Variants in GULP1 observed in about 807,000 individuals in gnomAD.
GULP1 encodes the protein PTB domain-containing engulfment adapter protein 1.
Under a neutral mutation model 40.9 loss-of-function variants are expected in GULP1, and 19 were observed. The observed-to-expected ratio is 0.46, with a 90% confidence interval of 0.32 to 0.68. The LOEUF is 0.68. Among genes scored for constraint, GULP1 ranks in the 30% least tolerant of loss-of-function variants. The pLI, the probability that GULP1 is intolerant of heterozygous loss-of-function variation, is 0.03. For synonymous variants in GULP1, 119 were observed against 117.6 expected, an observed-to-expected ratio of 1.01 and a Z score of -0.08; for missense variants, 312 against 362.2, an observed-to-expected ratio of 0.86 and a Z score of 1.12.
chr2:188,561,585 G>A (rs1005226548), intron 7 of GULP1, among the ~76,000 whole-genome samples: 1 of 152,162 alleles, frequency 6.6e-6, no homozygotes, highest in Non-Finnish European at 1.5e-5. Flanking sequence ...AAGTCCTGGG[G>A]TCTGTGCTGG....
intron 2 of GULP1, among the ~76,000 whole-genome samples, chr2:188,401,843 T>C (rs2052341703): frequency 6.6e-6 from 1 of 152,162 alleles, no homozygotes; most frequent in East Asian, 1.9e-4. Flanking sequence ...TTTATGTAAG[T>C]TGTCATTAGT....
rs1449813338 is a variant in GULP1 at position 188,595,891 on chromosome 2, G to A, written c.*1880G>A. On this transcript the variant is annotated 3_prime_UTR_variant, in exon 12 of 12. Coordinates refer to ENST00000409830, the MANE Select transcript of GULP1 (RefSeq NM_016315.4). ...TATTTCTATGTAAACTCAACGATAT[G>A]TTTGGTTTTCCTGAAAATAAATGAT... The A allele has an allele frequency of 6.6e-6, 1 of 152,166 alleles. No homozygotes were observed. Among genetic ancestry groups the A allele is most frequent in the Non-Finnish European group, 1.5e-5 (1 of 67,752 alleles). 9.4% of individuals were successfully genotyped at this position (152,166 alleles called of 1,614,324 possible). A position where few individuals can be genotyped will look rare whatever the true frequency, so the allele number is the denominator to read the frequency against.
chr2:188,536,662 C>G (rs1378382647), intron 6 of GULP1, among the ~76,000 whole-genome samples: 1 of 152,030 alleles, frequency 6.6e-6, no homozygotes, highest in African/African-American at 2.4e-5. Flanking sequence ...TCTGGCTATT[C>G]AGGCCCTTTT....
At chr2:188,521,542 C>T (rs1236378039) in intron 4 of GULP1, among the ~76,000 whole-genome samples, 1 of 152,136 alleles carries the variant, frequency 6.6e-6, no homozygotes, top group Non-Finnish European at 1.5e-5. Flanking sequence ...AAAGTCATGT[C>T]TTACATGGCA....
intron 1 of GULP1, among the ~76,000 whole-genome samples, chr2:188,328,010 A>G (rs2041006157): frequency 6.6e-6 from 1 of 152,122 alleles, no homozygotes; most frequent in South Asian, 2.1e-4. Context: ...GTACATACCA[A>G]GAGGTCATTT....
chr2:188,319,086 G>T (rs2039572243), intron 1 of GULP1, among the ~76,000 whole-genome samples: 1 of 152,046 alleles, frequency 6.6e-6, no homozygotes. Flanking sequence ...TCCTTTATTG[G>T]GAACATGATT....
intron 7 of GULP1, among the ~76,000 whole-genome samples, chr2:188,544,798 A>G (rs1283728778): frequency 6.6e-6 from 1 of 151,990 alleles, no homozygotes; most frequent in Non-Finnish European, 1.5e-5. Context: ...GAAAAAGAGA[A>G]TAAGCACCCT....
intron 1 of GULP1, among the ~76,000 whole-genome samples, chr2:188,310,091 C>G (rs191849587): frequency 4.6e-5 from 7 of 152,294 alleles, no homozygotes. Context: ...ATTTCTGTGA[C>G]TTCATTTACT....
rs547054260 is a variant in GULP1 at position 188,300,634 on chromosome 2, T to A, written c.-172+8468T>A. ...CCCTTCTTTTTGCTTGGCTTGACCA[T>A]TCTGTGAGATACATCTATTTTAAAA... On this transcript the variant is annotated intron_variant, in intron 1 of 11. Coordinates refer to ENST00000409830, the MANE Select transcript of GULP1 (RefSeq NM_016315.4). Among the ~76,000 whole-genome samples, 11 of 152,286 alleles carry A rather than the reference T, an allele frequency of 7.2e-5. No individual in the cohort carries two copies. The South Asian group carries it at 2.3e-3, about 32-fold the overall frequency.
chr2:188,454,193 G>A (rs987719628), intron 2 of GULP1, among the ~76,000 whole-genome samples: 2 of 152,224 alleles, frequency 1.3e-5, no homozygotes, highest in African/African-American at 4.8e-5. Context: ...TTTCAACGGT[G>A]AGGATGGCAG....
intron 2 of GULP1, among the ~76,000 whole-genome samples, chr2:188,438,450 AATT>A (rs1367840376): frequency 1.3e-5 from 2 of 150,738 alleles, no homozygotes; most frequent in African/African-American, 4.9e-5. Context: ...ATGACTACCA[AATT>A]ATTAATAGTT....
chr2:188,505,559 C>T (rs2063822173), intron 4 of GULP1, among the ~76,000 whole-genome samples: 1 of 151,722 alleles, frequency 6.6e-6, no homozygotes, highest in African/African-American at 2.4e-5. Context: ...TAGAATCACA[C>T]ACTCTTCTGA....
chr2:188,293,129 T>A (rs1453676259), intron 1 of GULP1: 1 of 152,356 alleles, frequency 6.6e-6, no homozygotes, highest in East Asian at 1.9e-4. Context: ...TAAGGAAGAC[T>A]TAGCTGGTGT....
chr2:188,565,348 A>C (rs1486478857), intron 7 of GULP1, among the ~76,000 whole-genome samples: 1 of 151,810 alleles, frequency 6.6e-6, no homozygotes, highest in Admixed American at 6.6e-5. Context: ...ACAAATAAAA[A>C]GACAAAACAC....
At chr2:188,338,486 G>A (rs951291828) in intron 1 of GULP1, among the ~76,000 whole-genome samples, 1 of 151,828 alleles carries the variant, frequency 6.6e-6, no homozygotes, top group Non-Finnish European at 1.5e-5. Flanking sequence ...TAAGTTTTTT[G>A]TAGTGACGGG....
At position 188,519,011 on chromosome 2, in the gene GULP1, A is replaced by C. The variant is rs115253945; in HGVS notation, c.91-3745A>C. Among the ~76,000 whole-genome samples the C allele has an allele frequency of 8.0e-3, 1,214 of 152,282 alleles. 7 individuals are homozygous for C. Among genetic ancestry groups the C allele is most frequent in the Non-Finnish European group, 0.012 (828 of 68,010 alleles). The stretch of plus-strand genomic sequence containing the variant: ...TAGATAGGTGTAAGAAATGCACATA[A>C]ATATGAATTATTTAATCTATATATC... On this transcript the variant is annotated intron_variant, in intron 4 of 11. Coordinates refer to ENST00000409830, the MANE Select transcript of GULP1 (RefSeq NM_016315.4).
At chr2:188,332,511 T>C (rs1314245768) in intron 1 of GULP1, among the ~76,000 whole-genome samples, 1 of 152,090 alleles carries the variant, frequency 6.6e-6, no homozygotes, top group African/African-American at 2.4e-5. Flanking sequence ...TAACAAACAC[T>C]TGTGTTCCAG....
intron 9 of GULP1, among the ~76,000 whole-genome samples, chr2:188,581,640 C>T (rs1210940867): frequency 6.6e-6 from 1 of 152,082 alleles, no homozygotes; most frequent in Non-Finnish European, 1.5e-5. Context: ...TATTCATTAT[C>T]TCTCTGATTT....
intron 6 of GULP1, among the ~76,000 whole-genome samples, chr2:188,535,522 T>C (rs975909277): frequency 7.9e-5 from 12 of 152,096 alleles, no homozygotes; most frequent in Non-Finnish European, 1.5e-4. Flanking sequence ...ATGATTTTGT[T>C]CTTTTTGTGG....
Sources: gnomAD v4.1 joint callset for allele counts (sites outside exome capture counted in the v4.1 genomes callset) on GRCh38, gnomAD v4.1.1 for gene constraint, MANE v1.5 for transcripts, NCBI Gene and HGNC (gene_info 2026-07-23, HGNC 2026-07-21) for gene names.